Variants in PRDM16 observed in about 807,000 individuals in gnomAD.
PRDM16 encodes PR/SET domain 16.
In PRDM16, 23 loss-of-function variants were observed where a neutral mutation model predicts 110.6. The ratio of observed to expected loss-of-function variants is 0.21; its 90% CI spans 0.15 to 0.29. PRDM16 has a LOEUF of 0.29. PRDM16 is among the 10% of genes least tolerant of loss of function. The pLI is 1.00. For missense variants in PRDM16, 1,615 were observed against 1,794.3 expected (o/e 0.90, Z 1.81); for synonymous variants, 799 against 781.8 (o/e 1.02, Z -0.37).
chr1:3,319,848 G>A (rs1641700117), intron 3 of PRDM16, among the ~76,000 whole-genome samples: 1 of 152,152 alleles, frequency 6.6e-6, no homozygotes, highest in Admixed American at 6.5e-5. Context: ...AAAGAGTTTT[G>A]GTGCCTTTTC....
intron 1 of PRDM16, among the ~76,000 whole-genome samples, chr1:3,164,186 C>T (rs1050025369): frequency 1.3e-5 from 2 of 152,214 alleles, no homozygotes; most frequent in South Asian, 2.1e-4. Flanking sequence ...AAGTATAAAG[C>T]GTGAGAAACA....
intron 3 of PRDM16, among the ~76,000 whole-genome samples, chr1:3,325,636 C>G (rs886700677): frequency 1.3e-5 from 2 of 152,208 alleles, no homozygotes; most frequent in Non-Finnish European, 2.9e-5. Context: ...TCTACAGACC[C>G]GAAGCCTGAG....
chr1:3,184,713 G>A (rs1553287), intron 1 of PRDM16, among the ~76,000 whole-genome samples: 48,496 of 151,970 alleles, frequency 0.32, 9,013 homozygotes, highest in African/African-American at 0.52. Context: ...GCCTCTCGCT[G>A]TCACCCCCAC....
intron 3 of PRDM16, among the ~76,000 whole-genome samples, chr1:3,292,173 G>A (rs111414455): frequency 3.9e-5 from 6 of 152,250 alleles, no homozygotes; most frequent in Non-Finnish European, 8.8e-5. Flanking sequence ...TTTATTGAGG[G>A]GAGAGCAGGT....
chr1:3,240,069 AGGAGAGGAG>A (rs1639631834), intron 2 of PRDM16, among the ~76,000 whole-genome samples: 1 of 120,066 alleles, frequency 8.3e-6, no homozygotes, highest in Non-Finnish European at 1.7e-5. Context: ...AGGAGAGGAG[AGGAGAGGAG>A]AGGAGAGGAG....
chr1:3,364,552 C>T (rs943535918), intron 3 of PRDM16, among the ~76,000 whole-genome samples: 2 of 152,220 alleles, frequency 1.3e-5, no homozygotes, highest in Admixed American at 1.3e-4. Flanking sequence ...ATTCCCACCG[C>T]TCAGCCCCTC....
At chr1:3,282,395 C>A (rs967213040) in intron 3 of PRDM16, among the ~76,000 whole-genome samples, 1 of 152,218 alleles carries the variant, frequency 6.6e-6, no homozygotes, top group Non-Finnish European at 1.5e-5. Context: ...CTTGTCCCCC[C>A]ACTGTCGGGC....
At chr1:3,220,171 C>T (rs543421843) in intron 2 of PRDM16, among the ~76,000 whole-genome samples, 9 of 152,226 alleles carry the variant, frequency 5.9e-5, no homozygotes, top group East Asian at 1.9e-4. Context: ...TTGTCCTCGC[C>T]GTGCCCACGC....
chr1:3,422,638 T>C (rs1489729095), intron 12 of PRDM16, among the ~76,000 whole-genome samples: 4 of 152,226 alleles, frequency 2.6e-5, no homozygotes, highest in South Asian at 4.1e-4. Context: ...AGAAAATGCA[T>C]TGGAGGGTGT....
chr1:3,429,648 G>T (rs928106232), intron 14 of PRDM16, among the ~76,000 whole-genome samples: 1 of 152,240 alleles, frequency 6.6e-6, no homozygotes. Context: ...CAGCAGCTCC[G>T]TGGCTGAGGA....
chr1:3,095,461 C>A (rs1216879552), intron 1 of PRDM16, among the ~76,000 whole-genome samples: 1 of 152,140 alleles, frequency 6.6e-6, no homozygotes, highest in African/African-American at 2.4e-5. Flanking sequence ...AGGCAGAAAA[C>A]CCATAGGACC....
intron 1 of PRDM16, among the ~76,000 whole-genome samples, chr1:3,184,710 G>GCTGT (rs1644248518): frequency 6.6e-6 from 1 of 152,148 alleles, no homozygotes; most frequent in East Asian, 1.9e-4. Flanking sequence ...TGGGCCTCTC[G>GCTGT]CTGTCACCCC....
At chr1:3,174,083 C>T (rs868136296) in intron 1 of PRDM16, among the ~76,000 whole-genome samples, 7 of 152,220 alleles carry the variant, frequency 4.6e-5, no homozygotes, top group South Asian at 2.1e-4. Flanking sequence ...AGACACAAAG[C>T]CAGGCTGTGG....
chr1:3,250,765 G>A (rs572040854), intron 3 of PRDM16, among the ~76,000 whole-genome samples: 3 of 152,342 alleles, frequency 2.0e-5, no homozygotes, highest in African/African-American at 7.2e-5. Context: ...GAGCACATGG[G>A]GGGACGTGAG....
chr1:3,342,549 G>A (rs882430), intron 3 of PRDM16, among the ~76,000 whole-genome samples: 50,301 of 152,080 alleles, frequency 0.33, 8,623 homozygotes, highest in South Asian at 0.47. Flanking sequence ...TAGCCTATAC[G>A]TACCATGAGG....
chr1:3,244,296 A>G lies in PRDM16; in HGVS notation c.438+159A>G, dbSNP rs1020650196. 1.3e-5 allele frequency among the ~76,000 whole-genome samples: 2 copies of G among 152,078 alleles called. No individual in the cohort carries two copies. The highest frequency in any genetic ancestry group is 1.5e-5 in the Non-Finnish European group (1 of 67,998). ...GTTATCTGTGGACTGACGTGTGCAC[A>G]GGACGGTGGCTTTGCTGTCATTAGG... On this transcript the variant is annotated intron_variant, in intron 3 of 16. Coordinates refer to ENST00000270722, the MANE Select transcript of PRDM16 (RefSeq NM_022114.4). This position sits in a 1 kb window ranked among gnomAD's most constrained non-coding sequence, Gnocchi z 4.1.
At chr1:3,084,260 C>G (rs1642098290) in intron 1 of PRDM16, among the ~76,000 whole-genome samples, 1 of 152,182 alleles carries the variant, frequency 6.6e-6, no homozygotes, top group African/African-American at 2.4e-5. Flanking sequence ...CTGGAGCCCC[C>G]TGGATCTGGT....
intron 2 of PRDM16, among the ~76,000 whole-genome samples, chr1:3,187,542 G>A (rs1403996576): frequency 1.3e-5 from 2 of 152,208 alleles, no homozygotes; most frequent in African/African-American, 4.8e-5. Context: ...AACTCAGACA[G>A]GCCGTGGGGA....
chr1:3,321,457 G>A (rs1219529937), intron 3 of PRDM16, among the ~76,000 whole-genome samples: 1 of 150,976 alleles, frequency 6.6e-6, no homozygotes, highest in Admixed American at 6.6e-5. Flanking sequence ...TTTGTGGGGG[G>A]CACATGTGTG....
Sources: allele counts gnomAD v4.1 joint callset (sites outside exome capture counted in the v4.1 genomes callset), GRCh38; gene constraint gnomAD v4.1.1; non-coding constraint Gnocchi (gnomAD v3.1); transcripts MANE v1.5; gene names NCBI Gene and HGNC (gene_info 2026-07-23, HGNC 2026-07-21).